The following HMCN2 variants were observed in gnomAD, a reference collection of about 807,000 sequenced individuals.
HMCN2 encodes the protein hemicentin 2.
Under a neutral mutation model 377.5 loss-of-function variants are expected in HMCN2, and 325 were observed. That is an observed-to-expected ratio of 0.86 (90% CI 0.79 to 0.94). The LOEUF (loss-of-function observed/expected upper bound fraction) is 0.94, where lower values mean the gene tolerates loss of function less well. Among genes scored for constraint, HMCN2 ranks in the 40% least tolerant of loss-of-function variants. The pLI, the probability that HMCN2 is intolerant of heterozygous loss-of-function variation, is 0.00. For synonymous variants in HMCN2, 2,007 were observed against 2,046.8 expected (o/e 0.98, Z 0.53); for missense variants, 4,543 against 4,725.3 (o/e 0.96, Z 1.13).
intron 74 of HMCN2, among the ~76,000 whole-genome samples, chr9:130,397,913 C>T (rs1389793582): frequency 2.0e-5 from 3 of 151,698 alleles, no homozygotes; most frequent in South Asian, 2.1e-4. Context: ...TCTGAGAGGC[C>T]GAGGCAGGAG....
Position 130,427,327 on chromosome 9 carries a change from G to A in HMCN2, c.13894G>A (p.Gly4632Ser), listed in dbSNP as rs547079752. 9.7e-6 allele frequency: 15 copies of A among 1,550,416 alleles called. No homozygotes were observed. The highest frequency in any genetic ancestry group is 6.8e-5 in the African/African-American group (5 of 73,054). ...TALQAEENEV[G>S]CPEGFELDSQ... ...TTGCTTTGCAGAGGAGAACGAGGTC[G>A]GCTGCCCCGAGGGCTTTGAGCTGGA... The change falls in exon 91 of 98, where the codon GGC (glycine) becomes AGC (serine). Residue 4632 changes from glycine (G) to serine (S), a missense_variant. Gly to Ser is a moderately conservative substitution (Grantham distance 56). This residue lies in a region of HMCN2 where 1,155 missense variants were observed against 1,157.7 expected (regional missense o/e 1.00). Coordinates refer to ENST00000683500, the MANE Select transcript of HMCN2 (RefSeq NM_001291815.2).
In HMCN2 at chr9:130,414,508, A is replaced by G. The variant is rs901364977; in HGVS notation, c.12961+3856A>G. 2.0e-5 allele frequency among the ~76,000 whole-genome samples: 3 copies of G among 152,226 alleles called. No homozygotes were observed. The highest frequency in any genetic ancestry group is 1.3e-4 in the Admixed American group (2 of 15,280). Reference sequence around the variant, plus strand: ...ACTGAAACTCACTTACACACCAGGAACAAGGAAAAGCTCAACTTACACACC... The same window carrying G: ...ACTGAAACTCACTTACACACCAGGAGCAAGGAAAAGCTCAACTTACACACC... On this transcript the variant is annotated intron_variant, in intron 85 of 97. Transcript: ENST00000683500. The surrounding 1 kb of genome is among the most constrained non-coding windows in gnomAD (Gnocchi z 4.4).
At position 130,422,892 on chromosome 9, in the gene HMCN2, C is replaced by G. The variant is rs774736894; in HGVS notation, c.13381+166C>G. Among the ~76,000 whole-genome samples, 1 of 152,164 alleles carries G rather than the reference C, an allele frequency of 6.6e-6. No homozygotes were observed. The highest frequency in any genetic ancestry group is 1.5e-5 in the Non-Finnish European group (1 of 68,038). ...CCATCTCTCAAAGCTGAGTGCAATC[C>G]AAAGTGGACTCAGATGCAGGCAACT... On this transcript the variant is annotated intron_variant, in intron 87 of 97. Transcript: ENST00000683500. This position sits in a 1 kb window ranked among gnomAD's most constrained non-coding sequence, Gnocchi z 4.2.
chr9:130,333,024 T>C (rs1223842908), intron 22 of HMCN2, among the ~76,000 whole-genome samples: 2 of 145,440 alleles, frequency 1.4e-5, no homozygotes, highest in Non-Finnish European at 3.0e-5. Context: ...GTGGAAGGTC[T>C]GGGGGGAGGG....
At chr9:130,312,148 C>T (rs965714167) in intron 15 of HMCN2, among the ~76,000 whole-genome samples, 9 of 152,278 alleles carry the variant, frequency 5.9e-5, no homozygotes, top group African/African-American at 1.9e-4. Context: ...ACACAGCTGG[C>T]GAGTGGCAGA....
At chr9:130,284,326 G>A (rs1260464626) in intron 1 of HMCN2, among the ~76,000 whole-genome samples, 1 of 152,178 alleles carries the variant, frequency 6.6e-6, no homozygotes, top group African/African-American at 2.4e-5. Flanking sequence ...GTTGGGAGCT[G>A]CTGTCCGGAG....
At chr9:130,374,460 T>C in intron 48 of HMCN2, 42 bp from the exon 49 acceptor site, 1 of 976,414 alleles carries the variant, frequency 1.0e-6, no homozygotes, top group Non-Finnish European at 1.2e-6. Context: ...GCTGCCCTAG[T>C]CAAAGCCTGC....
In HMCN2 at chr9:130,309,077, A is replaced by G. The variant is rs542178298; in HGVS notation, c.2201-835A>G. Among the ~76,000 whole-genome samples, 25 of 152,390 alleles carry G rather than the reference A, an allele frequency of 1.6e-4. No homozygotes were observed. The South Asian group carries it at 5.2e-3, about 32-fold the overall frequency. ...ATGCCACTGAGCTGGCTGCACACCT[A>G]AAAGTGGTTCAGATCGTCAATCTTA... is the stretch of plus-strand genomic sequence containing the variant. On this transcript the variant is annotated intron_variant, in intron 14 of 97. Transcript: ENST00000683500.
chr9:130,275,876 G>GCC (rs56184877), intron 1 of HMCN2, among the ~76,000 whole-genome samples: 4 of 152,204 alleles, frequency 2.6e-5, no homozygotes, highest in Admixed American at 2.6e-4. Flanking sequence ...AGGCCTGGAG[G>GCC]TCTGAGCGGC....
chr9:130,270,189 A>G (rs2131211742), intron 1 of HMCN2, among the ~76,000 whole-genome samples: 1 of 142,784 alleles, frequency 7.0e-6, no homozygotes, highest in Non-Finnish European at 1.6e-5. Flanking sequence ...AATTCTTAGA[A>G]GTTTTGAAGT....
intron 1 of HMCN2, among the ~76,000 whole-genome samples, chr9:130,278,033 T>TCAC (rs1554924007): frequency 1.3e-3 from 9 of 6,924 alleles, no homozygotes; most frequent in African/African-American, 2.3e-3. Flanking sequence ...ACCACGATCA[T>TCAC]CACCACCACC....
chr9:130,391,154 C>A, intron 63 of HMCN2, 34 bp downstream of exon 63: 2 of 987,922 alleles, frequency 2.0e-6, no homozygotes, highest in Non-Finnish European at 2.4e-6. Context: ...TGTCCCACTC[C>A]CATGGCAGCC....
At position 130,427,569 on chromosome 9, in the gene HMCN2, G is replaced by A; in HGVS notation, c.14015G>A (p.Cys4672Tyr). The A allele has an allele frequency of 6.4e-7, 1 of 1,550,456 alleles. No homozygotes were observed. Among genetic ancestry groups the A allele is most frequent in the Non-Finnish European group, 8.7e-7 (1 of 1,146,960 alleles). The change falls in exon 92 of 98, where the codon TGC becomes TAC. Residue 4672 changes from cysteine (C) to tyrosine (Y), a missense_variant. Cys to Tyr is a radical substitution (Grantham distance 194, BLOSUM62 -2). Coordinates refer to ENST00000683500, the MANE Select transcript of HMCN2 (RefSeq NM_001291815.2). Reference protein sequence around the residue: ...ACLNAPGRFSCTCPTGFALAW... With the variant: ...ACLNAPGRFSYTCPTGFALAW... Reference sequence around the variant, plus strand: ...CTTAATGCACCCGGCCGCTTCTCCTGCACCTGCCCCACTGGCTTCGCCCTG... The same window carrying A: ...CTTAATGCACCCGGCCGCTTCTCCTACACCTGCCCCACTGGCTTCGCCCTG...
chr9:130,336,284 A>G (rs1290754109), intron 22 of HMCN2, among the ~76,000 whole-genome samples: 1 of 152,256 alleles, frequency 6.6e-6, no homozygotes, highest in Non-Finnish European at 1.5e-5. Context: ...ATATATACTC[A>G]TGATGCTATT....
chr9:130,432,815 TCTC>T (rs1289741521), intron 97 of HMCN2: 41 of 530,446 alleles, frequency 7.7e-5, no homozygotes, highest in South Asian at 2.2e-5. Context: ...ACCAAACCCA[TCTC>T]CTCCACGCCA....
chr9:130,328,188 G>A (rs1838247129), intron 22 of HMCN2, among the ~76,000 whole-genome samples: 2 of 152,368 alleles, frequency 1.3e-5, no homozygotes, highest in East Asian at 3.9e-4. Flanking sequence ...TCTGTTTGGT[G>A]AGTCCTGCCA....
At chr9:130,311,602 G>A (rs1837245004) in intron 15 of HMCN2, among the ~76,000 whole-genome samples, 1 of 152,188 alleles carries the variant, frequency 6.6e-6, no homozygotes, top group Non-Finnish European at 1.5e-5. Flanking sequence ...TGGGTGCCCA[G>A]AGAAGGCTAA....
In HMCN2 at chr9:130,397,579, G is replaced by A. The variant is rs919558182; in HGVS notation, c.11250G>A (p.Gln3750=). The change falls in exon 74 of 98, where the codon CAG becomes CAA. Residue 3750 remains glutamine, a synonymous_variant. Coordinates refer to ENST00000683500, the MANE Select transcript of HMCN2 (RefSeq NM_001291815.2). ...TGAGAATCCAGCCAGTCCTTGCCCA[G>A]GACGCCGGCCACTACCTCTGCCTGG... ...GSLRIQPVLA[Q]DAGHYLCLAS... The A allele has an allele frequency of 7.0e-6, 9 of 1,289,824 alleles. No homozygotes were observed. The African/African-American group carries it at 1.4e-4, about 20-fold the overall frequency. The allele number at this position is 1,289,824 out of a possible 1,614,324, so 79.9% of individuals were successfully genotyped here. A position where few individuals can be genotyped will look rare whatever the true frequency, so the allele number is the denominator to read the frequency against.
chr9:130,348,964 C>A lies in HMCN2; in HGVS notation c.4156-20C>A, dbSNP rs1839546153. The A allele has an allele frequency of 7.7e-7, 1 of 1,301,934 alleles. No homozygotes were observed. 80.6% of individuals were successfully genotyped at this position (1,301,934 alleles called of 1,614,324 possible). A position where few individuals can be genotyped will look rare whatever the true frequency, so the allele number is the denominator to read the frequency against. The stretch of plus-strand genomic sequence containing the variant: ...GGCTGGATCCCCTCTTACTGGCTCC[C>A]TCTGGCCTCTCCTACCCAGATTCCT... On this transcript the variant is annotated intron_variant, in intron 27 of 97. Transcript: ENST00000683500.
Sources: gnomAD v4.1 joint callset for allele counts (sites outside exome capture counted in the v4.1 genomes callset) on GRCh38, gnomAD v4.1.1 for gene constraint, gnomAD v4.1.1 regional missense constraint, Gnocchi (gnomAD v3.1) non-coding constraint, MANE v1.5 for transcripts, NCBI Gene and HGNC (gene_info 2026-07-23, HGNC 2026-07-21) for gene names.